RYR1: variants seen among roughly 807,000 people sequenced by gnomAD.
RYR1 encodes ryanodine receptor 1, also known as central core disease of muscle.
Under a neutral mutation model 583.5 loss-of-function variants are expected in RYR1, and 342 were observed. The ratio of observed to expected loss-of-function variants is 0.59; its 90% CI spans 0.54 to 0.64. The LOEUF (loss-of-function observed/expected upper bound fraction) is 0.64, where lower values mean the gene tolerates loss of function less well. RYR1 is among the 30% of genes least tolerant of loss of function. RYR1 has a pLI of 0.00. For missense variants in RYR1, 6,032 were observed against 6,917.2 expected, an observed-to-expected ratio of 0.87 and a Z score of 4.54; for synonymous variants, 2,791 against 2,822.5, an observed-to-expected ratio of 0.99 and a Z score of 0.35.
At chr19:38,564,719 T>C (rs1297929053) in intron 90 of RYR1, among the ~76,000 whole-genome samples, 1 of 152,166 alleles carries the variant, frequency 6.6e-6, no homozygotes, top group Non-Finnish European at 1.5e-5. Flanking sequence ...TTTCACCATG[T>C]TGGCCAGGCT....
At chr19:38,555,433 T>TGA in intron 89 of RYR1, among the ~76,000 whole-genome samples, 1 of 138,712 alleles carries the variant, frequency 7.2e-6, no homozygotes. Context: ...AGCAACAGAG[T>TGA]GAGACCCTGC....
At position 38,565,559 on chromosome 19, in the gene RYR1, A is replaced by C; in HGVS notation, c.13225A>C (p.Ser4409Arg). ...PGGDADGEGASEGAGDAAEGA... is the reference protein window; with the variant it reads ...PGGDADGEGAREGAGDAAEGA... ...CGGAGACGCAGACGGCGAGGGTGCCAGCGAGGGCGCTGGAGACGCCGCGGA... is the reference window on the plus strand; with the variant it reads ...CGGAGACGCAGACGGCGAGGGTGCCCGCGAGGGCGCTGGAGACGCCGCGGA... The change falls in exon 91 of 106, where the codon AGC (serine) becomes CGC (arginine). Residue 4409 changes from serine to arginine, a missense_variant. By Grantham distance (110) the Ser-to-Arg change is moderately radical. Transcript: ENST00000359596. This position sits in a 1 kb window ranked among gnomAD's most constrained non-coding sequence, Gnocchi z 4.7. 2.0e-6 allele frequency: 3 copies of C among 1,484,258 alleles called. No individual in the cohort carries two copies. Among genetic ancestry groups the C allele is most frequent in the Non-Finnish European group, 2.7e-6 (3 of 1,123,984 alleles). The allele number at this position is 1,484,258 out of a possible 1,614,324, so 91.9% of individuals were successfully genotyped here. A position where few individuals can be genotyped will look rare whatever the true frequency, so the allele number is the denominator to read the frequency against.
intron 67 of RYR1, among the ~76,000 whole-genome samples, 160 bp from the exon 68 acceptor site, chr19:38,522,868 T>A (rs948482434): frequency 1.3e-4 from 19 of 151,942 alleles, no homozygotes; most frequent in South Asian, 2.1e-4. Context: ...AGAAAAAAAA[T>A]TTTTTTAATG....
At chr19:38,502,752 GGGGC>G (rs1222851203) in intron 48 of RYR1, 25 bp downstream of exon 48, 3 of 347,692 alleles carry the variant, frequency 8.6e-6, no homozygotes, top group Non-Finnish European at 1.4e-5. Flanking sequence ...GCTTCAGGGT[GGGGC>G]AGGGGCAGGG....
At position 38,565,692 on chromosome 19, in the gene RYR1, G is replaced by T. The variant is rs1973385997; in HGVS notation, c.13358G>T (p.Gly4453Val). The T allele has an allele frequency of 4.2e-6, 6 of 1,414,290 alleles. No homozygotes were observed. Among genetic ancestry groups the T allele is most frequent in the Non-Finnish European group, 5.5e-6 (6 of 1,092,886 alleles). 87.6% of individuals were successfully genotyped at this position (1,414,290 alleles called of 1,614,324 possible). The change falls in exon 91 of 106, where the codon GGT (glycine) becomes GTT (valine). Residue 4453 changes from glycine (G) to valine (V), a missense_variant. Gly to Val is a moderately radical substitution (Grantham distance 109). Transcript: ENST00000359596. This position sits in a 1 kb window ranked among gnomAD's most constrained non-coding sequence, Gnocchi z 4.7. ...GGPFRPEGAG[G>V]LGDMGDTTPA... Reference sequence around the variant, plus strand: ...CCCTTCCGGCCCGAAGGGGCTGGCGGTCTCGGGGACATGGGGGACACGACG... The same window carrying T: ...CCCTTCCGGCCCGAAGGGGCTGGCGTTCTCGGGGACATGGGGGACACGACG...
chr19:38,523,561 CCTGT>C (rs1217874791), intron 69 of RYR1: 4 of 607,152 alleles, frequency 6.6e-6, no homozygotes, highest in Non-Finnish European at 1.2e-5. Context: ...CCTTCCTCCT[CCTGT>C]ATCTTCTCCC....
intron 90 of RYR1, among the ~76,000 whole-genome samples, chr19:38,562,568 A>G (rs1973197443): frequency 6.6e-6 from 1 of 151,886 alleles, no homozygotes; most frequent in African/African-American, 2.4e-5. Context: ...TCCTCAGGGG[A>G]CACCAGCTCA....
At chr19:38,526,291 A>G (rs1370783765) in intron 71 of RYR1, among the ~76,000 whole-genome samples, 1 of 151,306 alleles carries the variant, frequency 6.6e-6, no homozygotes, top group Non-Finnish European at 1.5e-5. Flanking sequence ...AGCTTCAGGG[A>G]CTCTAAGGAA....
At chr19:38,530,882 A>C (rs1971702855) in intron 76 of RYR1, among the ~76,000 whole-genome samples, 2 of 150,856 alleles carry the variant, frequency 1.3e-5, no homozygotes, top group African/African-American at 4.9e-5. Flanking sequence ...GGCTCGCTGC[A>C]ATCTCCACCT....
Position 38,466,190 on chromosome 19 carries a change from T to C in RYR1, c.2970T>C (p.Asn990=), listed in dbSNP as rs1330199367. 6.2e-7 allele frequency: 1 copy of C among 1,613,502 alleles called. No individual in the cohort carries two copies. Among genetic ancestry groups the C allele is most frequent in the Non-Finnish European group, 8.5e-7 (1 of 1,179,956 alleles). ...QTTLVDRLAE[N]GHNVWARDRV... ...CACTGGTGGACCGTCTGGCAGAAAA[T>C]GGGCACAACGTGTGGGCCCGAGACC... The change falls in exon 24 of 106, where the codon AAT becomes AAC. Residue 990 remains asparagine (N), a synonymous_variant. Coordinates refer to ENST00000359596, the MANE Select transcript of RYR1 (RefSeq NM_000540.3).
chr19:38,455,189 G>A (rs200596247), intron 13 of RYR1, 46 bp from the exon 14 acceptor site: 1 of 1,607,554 alleles, frequency 6.2e-7, no homozygotes, highest in East Asian at 2.2e-5. Flanking sequence ...AAGGAAGGGA[G>A]GGCCTGGGTC....
intron 47 of RYR1, among the ~76,000 whole-genome samples, 182 bp downstream of exon 47, chr19:38,501,172 G>T (rs1276732130): frequency 6.6e-6 from 1 of 152,240 alleles, no homozygotes; most frequent in Non-Finnish European, 1.5e-5. Context: ...GATGAAGGGT[G>T]AGTAGGAATC....
chr19:38,475,880 C>T (rs1179952293), intron 29 of RYR1, among the ~76,000 whole-genome samples: 1 of 152,226 alleles, frequency 6.6e-6, no homozygotes, highest in Non-Finnish European at 1.5e-5. Context: ...CATAGACAGA[C>T]AGCCTAGTGC....
chr19:38,516,742 C>T (rs181202738), intron 65 of RYR1, among the ~76,000 whole-genome samples: 139 of 152,242 alleles, frequency 9.1e-4, no homozygotes, highest in Middle Eastern at 3.4e-3. Context: ...AAATATGTAT[C>T]GAGCAGTTAC....
chr19:38,567,858 A>G lies in RYR1; in HGVS notation c.13600A>G (p.Lys4534Glu). ...KQAPPSPPPK[K>E]EEAGGEFWGE... ...AGCACCTCCCTCACCCCCTCCAAAG[A>G]AGGAGGAAGCTGGAGGCGAATTCTG... Residue 4534 changes from lysine to glutamate, a missense_variant, in exon 93 of 106, where the codon AAG (lysine) becomes GAG (glutamate). Lys to Glu is a moderately conservative substitution (Grantham distance 56). Around this residue, in one of 11 missense-constraint regions of RYR1, gnomAD observed 753 missense variants for 759.6 expected, o/e 0.99. Transcript: ENST00000359596. 6.2e-7 allele frequency: 1 copy of G among 1,613,862 alleles called. No homozygotes were observed. Among genetic ancestry groups the G allele is most frequent in the Non-Finnish European group, 8.5e-7 (1 of 1,179,988 alleles).
intron 34 of RYR1, among the ~76,000 whole-genome samples, chr19:38,487,918 C>T (rs530314738): frequency 3.3e-5 from 5 of 152,280 alleles, no homozygotes; most frequent in East Asian, 3.9e-4. Flanking sequence ...AGGCATGAGA[C>T]GCTCTGCTCA....
In RYR1 at chr19:38,543,370, C is replaced by G; in HGVS notation, c.11713C>G (p.Gln3905Glu). The change falls in exon 85 of 106, where the codon CAG (glutamine) becomes GAG (glutamate). Residue 3905 changes from glutamine to glutamate, a missense_variant. Gln to Glu is a conservative substitution (Grantham distance 29). Around this residue, in one of 11 missense-constraint regions of RYR1, gnomAD observed 1,493 missense variants for 1,715.5 expected, o/e 0.87. Transcript: ENST00000359596. The surrounding 1 kb of genome is among the most constrained non-coding windows in gnomAD (Gnocchi z 4.4). Reference protein sequence around the residue: ...NNDFQNYLRTQTGNTTTINII... With the variant: ...NNDFQNYLRTETGNTTTINII... ...AGATTTCCAGAACTACCTACGGACA[C>G]AGACAGGGAACACGACCACTATTAA... The G allele has an allele frequency of 6.2e-7, 1 of 1,614,218 alleles. No homozygotes were observed. The highest frequency in any genetic ancestry group is 8.5e-7 in the Non-Finnish European group (1 of 1,180,042).
chr19:38,569,042 G>A (rs1452198396), intron 93 of RYR1, among the ~76,000 whole-genome samples: 3 of 151,304 alleles, frequency 2.0e-5, no homozygotes, highest in East Asian at 2.0e-4. Flanking sequence ...ACGGAGTCTC[G>A]CTCTGTTGCC....
chr19:38,491,841 C>T (rs1969565589), intron 37 of RYR1, among the ~76,000 whole-genome samples: 1 of 152,098 alleles, frequency 6.6e-6, no homozygotes, highest in Non-Finnish European at 1.5e-5. Flanking sequence ...GTTGAACCCC[C>T]CTAATAATTT....
Sources: gnomAD v4.1 joint callset for allele counts (sites outside exome capture counted in the v4.1 genomes callset) on GRCh38, gnomAD v4.1.1 for gene constraint, gnomAD v4.1.1 regional missense constraint, Gnocchi (gnomAD v3.1) non-coding constraint, MANE v1.5 for transcripts, NCBI Gene and HGNC (gene_info 2026-07-23, HGNC 2026-07-21) for gene names.